BBS9: variants seen among roughly 807,000 people sequenced by gnomAD.
BBS9 encodes the protein protein PTHB1.
A neutral mutation model predicts 117.7 loss-of-function variants in BBS9; 89 were observed. That is an observed-to-expected ratio of 0.76 (90% CI 0.64 to 0.90). The LOEUF (loss-of-function observed/expected upper bound fraction) is 0.90. BBS9 is among the 40% of genes least tolerant of loss of function. The probability of loss-of-function intolerance (pLI) is 0.00; values close to 1 mark genes in which losing one functional copy is unlikely to be tolerated. For missense variants in BBS9, 982 were observed against 1,042.2 expected, an observed-to-expected ratio of 0.94 and a Z score of 0.80; for synonymous variants, 379 against 370.9, an observed-to-expected ratio of 1.02 and a Z score of -0.25.
At chr7:33,303,634 G>T (rs544294042) in intron 9 of BBS9, among the ~76,000 whole-genome samples, 3 of 149,224 alleles carry the variant, frequency 2.0e-5, no homozygotes, top group South Asian at 4.3e-4. Context: ...TTCACCTGCC[G>T]AGTGTCTGGG....
At chr7:33,477,951 G>A (rs1842025974) in intron 19 of BBS9, among the ~76,000 whole-genome samples, 1 of 152,128 alleles carries the variant, frequency 6.6e-6, no homozygotes, top group Non-Finnish European at 1.5e-5. Flanking sequence ...TTTGGAAGAA[G>A]TGAAAGGTTT....
intron 21 of BBS9, among the ~76,000 whole-genome samples, chr7:33,545,207 C>T (rs1455437183): frequency 1.3e-5 from 2 of 152,150 alleles, no homozygotes; most frequent in Non-Finnish European, 2.9e-5. Flanking sequence ...AAGTTCTGAC[C>T]AGGAGGCTTC....
intron 7 of BBS9, among the ~76,000 whole-genome samples, chr7:33,270,240 A>G (rs925470559): frequency 2.0e-5 from 3 of 152,166 alleles, no homozygotes; most frequent in African/African-American, 7.2e-5. Flanking sequence ...ACGAAAAGGA[A>G]TACTCATGCA....
In BBS9 at chr7:33,420,619, A is replaced by G. The variant is rs139724132; in HGVS notation, c.2115+32475A>G. On this transcript the variant is annotated intron_variant, in intron 19 of 22. Transcript: ENST00000242067. ...GTTTGATAGCATAGCCGAGAAATCC[A>G]CAGAGACAGAGATGATGCTGAGGAG... 3.3e-3 allele frequency among the ~76,000 whole-genome samples: 497 copies of G among 152,240 alleles called. 2 individuals are homozygous for G. Among genetic ancestry groups the G allele is most frequent in the African/African-American group, 0.012 (478 of 41,554 alleles).
chr7:33,471,978 A>T (rs1841100041), intron 19 of BBS9, among the ~76,000 whole-genome samples: 1 of 151,992 alleles, frequency 6.6e-6, no homozygotes, highest in Non-Finnish European at 1.5e-5. Context: ...AAAATTACTC[A>T]CTAGGGATTG....
At chr7:33,506,130 CTT>C (rs926516629) in intron 20 of BBS9, among the ~76,000 whole-genome samples, 2 of 152,076 alleles carry the variant, frequency 1.3e-5, no homozygotes, top group Non-Finnish European at 2.9e-5. Flanking sequence ...TTTATAAACT[CTT>C]TTACCCTCAG....
At chr7:33,575,196 G>C (rs1858592579) in intron 21 of BBS9, among the ~76,000 whole-genome samples, 1 of 152,086 alleles carries the variant, frequency 6.6e-6, no homozygotes, top group African/African-American at 2.4e-5. Context: ...GATGCTGCAT[G>C]CTCTTGGCTG....
chr7:33,594,596 G>T (rs890338931), intron 21 of BBS9, among the ~76,000 whole-genome samples: 8 of 152,002 alleles, frequency 5.3e-5, no homozygotes, highest in African/African-American at 1.9e-4. Context: ...CTGGTTAAGG[G>T]GGTTTTGCCT....
intron 4 of BBS9, among the ~76,000 whole-genome samples, chr7:33,168,283 A>G (rs551199006): frequency 6.6e-6 from 1 of 152,304 alleles, no homozygotes; most frequent in South Asian, 2.1e-4. Context: ...ATCACAGGTC[A>G]CCATAAAATA....
At chr7:33,298,419 A>G (rs538105986) in intron 9 of BBS9, among the ~76,000 whole-genome samples, 1 of 152,330 alleles carries the variant, frequency 6.6e-6, no homozygotes, top group South Asian at 2.1e-4. Context: ...ACTGCCTGGC[A>G]CATGACATTA....
intron 4 of BBS9, among the ~76,000 whole-genome samples, chr7:33,162,021 G>GATGGGTAATAT (rs1339247806): frequency 1.3e-5 from 2 of 152,140 alleles, no homozygotes; most frequent in East Asian, 3.9e-4. Context: ...CTGGATATTA[G>GATGGGTAATAT]CCCTTTGTCA....
At chr7:33,398,841 A>T (rs1040840519) in intron 19 of BBS9, among the ~76,000 whole-genome samples, 48 of 152,298 alleles carry the variant, frequency 3.2e-4, no homozygotes, top group African/African-American at 1.0e-3. Flanking sequence ...ACGCGCCACC[A>T]AACCTGGCTA....
intron 19 of BBS9, among the ~76,000 whole-genome samples, chr7:33,457,108 G>A (rs1838763670): frequency 6.6e-6 from 1 of 152,148 alleles, no homozygotes; most frequent in African/African-American, 2.4e-5. Context: ...GAGAGATTAG[G>A]GTTTACCCTT....
At position 33,337,833 on chromosome 7, in the gene BBS9, A is replaced by G. The variant is rs117082527; in HGVS notation, c.1198+1211A>G. ...ATAATTGGGGAAGGGTGGCATAGGC[A>G]TGAAACATGAAATTTCCAGAGTTCA... On this transcript the variant is annotated intron_variant, in intron 10 of 22. Transcript: ENST00000242067. 9.1e-3 allele frequency among the ~76,000 whole-genome samples: 1,379 copies of G among 152,252 alleles called. 5 individuals are homozygous for G. The highest frequency in any genetic ancestry group is 0.027 in the Middle Eastern group (8 of 294).
chr7:33,533,158 C>T (rs1018399462), intron 20 of BBS9, among the ~76,000 whole-genome samples: 3 of 152,180 alleles, frequency 2.0e-5, no homozygotes, highest in African/African-American at 7.2e-5. Flanking sequence ...GCTGAACCCA[C>T]CTGAGGGTGG....
chr7:33,597,394 G>C (rs557041433), intron 21 of BBS9, among the ~76,000 whole-genome samples: 36 of 152,094 alleles, frequency 2.4e-4, no homozygotes, highest in Admixed American at 9.8e-4. Flanking sequence ...GTCAGAACAA[G>C]GTCTGTGGTC....
chr7:33,414,921 G>C (rs1434960938), intron 19 of BBS9, among the ~76,000 whole-genome samples: 1 of 151,794 alleles, frequency 6.6e-6, no homozygotes, highest in Non-Finnish European at 1.5e-5. Flanking sequence ...TAATAACTAG[G>C]GTAGTGGTTT....
chr7:33,154,501 C>T (rs1454387569), intron 3 of BBS9, among the ~76,000 whole-genome samples: 4 of 152,032 alleles, frequency 2.6e-5, no homozygotes, highest in Non-Finnish European at 2.9e-5. Context: ...GTTTCACTCT[C>T]GTCGCCCAGA....
chr7:33,244,123 A>G (rs1052058827), intron 5 of BBS9, among the ~76,000 whole-genome samples: 2 of 152,138 alleles, frequency 1.3e-5, no homozygotes, highest in Admixed American at 1.3e-4. Flanking sequence ...CCAGCTACTC[A>G]GGAGGCTGAG....
Sources: gnomAD v4.1 joint callset for allele counts (sites outside exome capture counted in the v4.1 genomes callset) on GRCh38, gnomAD v4.1.1 for gene constraint, MANE v1.5 for transcripts, NCBI Gene and HGNC (gene_info 2026-07-23, HGNC 2026-07-21) for gene names.